Variants in ITSN1 observed in about 807,000 individuals in gnomAD.
ITSN1 encodes the protein intersectin-1.
In ITSN1, 58 loss-of-function variants were observed where a neutral mutation model predicts 239.8. The ratio of observed to expected loss-of-function variants is 0.24; its 90% CI spans 0.20 to 0.30. The LOEUF is 0.30. ITSN1 is among the 10% of genes least tolerant of loss of function. The pLI, the probability that ITSN1 is intolerant of heterozygous loss-of-function variation, is 1.00. For missense variants in ITSN1, 1,558 were observed against 2,103.3 expected (o/e 0.74, Z 5.07); for synonymous variants, 780 against 770.8 (o/e 1.01, Z -0.20).
At chr21:33,754,174 T>G (rs1180824576) in intron 7 of ITSN1, 1 of 152,070 alleles carries the variant, frequency 6.6e-6, no homozygotes, top group Non-Finnish European at 1.5e-5. Context: ...TATTAGTTAG[T>G]TAACATGAGA....
intron 39 of ITSN1, 145 bp from the exon 40 acceptor site, chr21:33,888,007 T>C (rs1423130918): frequency 1.4e-6 from 1 of 740,146 alleles, no homozygotes; most frequent in East Asian, 2.7e-5. Flanking sequence ...GGGAGCGAGT[T>C]GGAAATCCTA....
At chr21:33,730,516 T>C (rs1317227782) in intron 4 of ITSN1, among the ~76,000 whole-genome samples, 1 of 144,852 alleles carries the variant, frequency 6.9e-6, no homozygotes, top group East Asian at 2.2e-4. Context: ...ACTCTCTGCC[T>C]CAGCCTCCTG....
chr21:33,818,357 A>G lies in ITSN1; in HGVS notation c.2818A>G (p.Ile940Val), dbSNP rs1170741059. The change falls in exon 23 of 40, where the codon ATC (isoleucine) becomes GTC (valine). Residue 940 changes from isoleucine (I) to valine (V), a missense_variant. By Grantham distance (29) the Ile-to-Val change is conservative (BLOSUM62 3). Around this residue, in one of 2 missense-constraint regions of ITSN1, gnomAD observed 982 missense variants for 1,209.9 expected, o/e 0.81. Coordinates refer to ENST00000381318, the MANE Select transcript of ITSN1 (RefSeq NM_003024.3). ...CTTAAATTTTAACAAAAATGATGTC[A>G]TCACCGTCCTGGAACAGCAAGACAT... is the stretch of plus-strand genomic sequence containing the variant. ...NHLNFNKNDV[I>V]TVLEQQDMWW... 8.1e-6 allele frequency: 13 copies of G among 1,614,228 alleles called. No homozygotes were observed. Among genetic ancestry groups the G allele is most frequent in the Non-Finnish European group, 1.0e-5 (12 of 1,180,020 alleles).
intron 1 of ITSN1, among the ~76,000 whole-genome samples, chr21:33,651,283 G>A (rs2088507377): frequency 6.6e-6 from 1 of 152,200 alleles, no homozygotes; most frequent in Non-Finnish European, 1.5e-5. Context: ...TTTTAAGCAG[G>A]GGAGTCCCAT....
chr21:33,669,666 C>A (rs751324146), intron 1 of ITSN1, among the ~76,000 whole-genome samples: 4 of 152,138 alleles, frequency 2.6e-5, no homozygotes, highest in Admixed American at 6.5e-5. Context: ...TGGTCTTGAA[C>A]TCCTGACCTT....
chr21:33,827,113 G>A (rs1243285712), intron 26 of ITSN1, among the ~76,000 whole-genome samples: 1 of 152,180 alleles, frequency 6.6e-6, no homozygotes, highest in African/African-American at 2.4e-5. Flanking sequence ...AAATAATTCA[G>A]GTGAGGCCAG....
chr21:33,890,454 A>G lies in ITSN1; in HGVS notation c.*2154A>G, dbSNP rs928144505. The stretch of plus-strand genomic sequence containing the variant: ...CCACTCATAGTGTCCTATTATTGGA[A>G]TTAATGTAGCATGAGAAAGCAATAT... On this transcript the variant is annotated 3_prime_UTR_variant, in exon 40 of 40. Coordinates refer to ENST00000381318, the MANE Select transcript of ITSN1 (RefSeq NM_003024.3). 1.5e-4 allele frequency: 23 copies of G among 152,238 alleles called. No individual in the cohort carries two copies. The highest frequency in any genetic ancestry group is 5.5e-4 in the African/African-American group (23 of 41,470). 9.4% of individuals were successfully genotyped at this position (152,238 alleles called of 1,614,324 possible). A position where few individuals can be genotyped will look rare whatever the true frequency, so the allele number is the denominator to read the frequency against.
At chr21:33,677,408 C>T (rs534706765) in intron 1 of ITSN1, among the ~76,000 whole-genome samples, 8 of 151,282 alleles carry the variant, frequency 5.3e-5, no homozygotes, top group Non-Finnish European at 8.8e-5. Flanking sequence ...GGCATGATCT[C>T]GGCTCACTGC....
At chr21:33,724,694 T>G (rs2065710300) in intron 4 of ITSN1, among the ~76,000 whole-genome samples, 1 of 152,218 alleles carries the variant, frequency 6.6e-6, no homozygotes, top group South Asian at 2.1e-4. Flanking sequence ...ATGAACAAAA[T>G]AGACAGAATC....
chr21:33,684,476 C>A (rs536945989), intron 1 of ITSN1, among the ~76,000 whole-genome samples: 2 of 152,224 alleles, frequency 1.3e-5, no homozygotes, highest in East Asian at 3.9e-4. Context: ...TTTAAAAGTT[C>A]AGTTTAATCT....
intron 1 of ITSN1, among the ~76,000 whole-genome samples, chr21:33,716,746 G>A (rs776982281): frequency 6.6e-6 from 1 of 150,780 alleles, no homozygotes; most frequent in Non-Finnish European, 1.5e-5. Flanking sequence ...AAGGTCAGGA[G>A]TTCGAGACCA....
chr21:33,679,189 A>G (rs1029921480), intron 1 of ITSN1, among the ~76,000 whole-genome samples: 2 of 152,130 alleles, frequency 1.3e-5, no homozygotes, highest in Non-Finnish European at 2.9e-5. Context: ...TATTATGTAA[A>G]TATTTATGTT....
chr21:33,872,910 A>G (rs1212507134), intron 33 of ITSN1, among the ~76,000 whole-genome samples: 1 of 152,216 alleles, frequency 6.6e-6, no homozygotes, highest in Non-Finnish European at 1.5e-5. Context: ...CATTAGAAAA[A>G]TTGATAAACC....
chr21:33,779,004 C>T (rs2069910418), intron 14 of ITSN1, among the ~76,000 whole-genome samples: 1 of 151,860 alleles, frequency 6.6e-6, no homozygotes, highest in Non-Finnish European at 1.5e-5. Flanking sequence ...TCCTTCCTAA[C>T]CCCTTCTTCT....
chr21:33,813,817 T>G, intron 21 of ITSN1, 96 bp from the exon 22 acceptor site: 1 of 1,112,102 alleles, frequency 9.0e-7, no homozygotes. Context: ...TATTAGGGAG[T>G]GCTTGCTTTT....
chr21:33,851,278 T>C (rs1978304454), intron 29 of ITSN1, among the ~76,000 whole-genome samples: 1 of 152,256 alleles, frequency 6.6e-6, no homozygotes, highest in Admixed American at 6.5e-5. Flanking sequence ...CCCAGCCATA[T>C]GGAGACCCAG....
chr21:33,746,667 C>T (rs2067202214), intron 5 of ITSN1, among the ~76,000 whole-genome samples: 1 of 152,082 alleles, frequency 6.6e-6, no homozygotes, highest in Admixed American at 6.6e-5. Flanking sequence ...ATGATGAAAC[C>T]CCGTCTCTGC....
intron 33 of ITSN1, 43 bp from the exon 34 acceptor site, chr21:33,875,311 A>G: frequency 6.2e-7 from 1 of 1,610,486 alleles, no homozygotes; most frequent in Admixed American, 1.7e-5. Context: ...AGGCCCGCCC[A>G]CATTGCCTAA....
chr21:33,765,044 A>G (rs2068622813), intron 9 of ITSN1, among the ~76,000 whole-genome samples: 1 of 152,252 alleles, frequency 6.6e-6, no homozygotes, highest in African/African-American at 2.4e-5. Flanking sequence ...TTTTGTGAAG[A>G]AAGTTTTTAT....
Sources: allele counts gnomAD v4.1 joint callset (sites outside exome capture counted in the v4.1 genomes callset), GRCh38; gene constraint gnomAD v4.1.1; regional missense constraint gnomAD v4.1.1; transcripts MANE v1.5; gene names NCBI Gene and HGNC (gene_info 2026-07-23, HGNC 2026-07-21).